The following DTX1 variants were observed in gnomAD, a reference collection of about 807,000 sequenced individuals.
DTX1 encodes the protein deltex E3 ubiquitin ligase 1.
A neutral mutation model predicts 57.8 loss-of-function variants in DTX1; 26 were observed. That is an observed-to-expected ratio of 0.45 (90% CI 0.33 to 0.62). The LOEUF (loss-of-function observed/expected upper bound fraction) is 0.62, where lower values mean the gene tolerates loss of function less well. DTX1 is among the 20% of genes least tolerant of loss of function. DTX1 has a pLI of 0.02. For synonymous variants in DTX1, 398 were observed against 394.1 expected, an observed-to-expected ratio of 1.01 and a Z score of -0.12; for missense variants, 704 against 895.3, an observed-to-expected ratio of 0.79 and a Z score of 2.73.
chr12:113,083,307 G>GT (rs1250039978), intron 3 of DTX1, among the ~76,000 whole-genome samples: 1 of 152,130 alleles, frequency 6.6e-6, no homozygotes, highest in African/African-American at 2.4e-5. Context: ...ATGTGTCTGT[G>GT]TGTCTCTCCT....
intron 6 of DTX1, 147 bp downstream of exon 6, chr12:113,094,246 C>T (rs1950269188): frequency 1.5e-6 from 1 of 677,358 alleles, no homozygotes; most frequent in East Asian, 2.9e-5. Context: ...AATAGAAATA[C>T]TTACGTTTAA....
At chr12:113,057,019 G>A (rs2044628683) in intron 1 of DTX1, 75 bp downstream of exon 1, 2 of 152,310 alleles carry the variant, frequency 1.3e-5, no homozygotes, top group African/African-American at 4.8e-5. Flanking sequence ...GGACGTCTGG[G>A]CTGGGGAAGC....
intron 3 of DTX1, among the ~76,000 whole-genome samples, chr12:113,083,984 A>C (rs952643936): frequency 2.6e-5 from 4 of 152,252 alleles, no homozygotes; most frequent in African/African-American, 9.6e-5. Context: ...CTTGCAAGGG[A>C]GGTGTGAACT....
intron 3 of DTX1, chr12:113,090,134 A>T (rs1368874154): frequency 6.6e-6 from 1 of 152,180 alleles, no homozygotes; most frequent in East Asian, 1.9e-4. Flanking sequence ...AGTCCTGGAG[A>T]AAAAAAGAGA....
rs199944169 is a variant in DTX1, at chr12:113,058,323, T to C, written c.131T>C (p.Val44Ala). 3.1e-6 allele frequency: 5 copies of C among 1,613,676 alleles called. No individual in the cohort carries two copies. In the East Asian group the frequency reaches 1.1e-4, roughly 36 times the overall value. The change falls in exon 2 of 10, where the codon GTG becomes GCG. Residue 44 changes from valine (V) to alanine (A), a missense_variant. Physicochemically the swap from Val to Ala is moderately conservative, Grantham distance 64. This residue lies in a region of DTX1 where 237 missense variants were observed against 328.6 expected (regional missense o/e 0.72). Coordinates refer to ENST00000548759, the MANE Select transcript of DTX1 (RefSeq NM_004416.3). ...CGCTGGCGGCCCTACACGGCCACCG[T>C]GTGCCACCACATTGAGAACGTGCTG... ...HSRWRPYTAT[V>A]CHHIENVLKE...
intron 2 of DTX1, among the ~76,000 whole-genome samples, chr12:113,062,066 C>T (rs2044668661): frequency 6.7e-6 from 1 of 150,168 alleles, no homozygotes; most frequent in Non-Finnish European, 1.5e-5. Context: ...CACACACACA[C>T]ACACTCCAAC....
At position 113,092,224 on chromosome 12, in the gene DTX1, G is replaced by C. The variant is rs576017993; in HGVS notation, c.942-938G>C. Among the ~76,000 whole-genome samples the C allele has an allele frequency of 9.9e-5, 15 of 152,136 alleles. No homozygotes were observed. In the South Asian group the frequency reaches 1.2e-3, roughly 13 times the overall value. ...ATTACTCGGCCAGGATTGCACAGCT[G>C]ACAGTGATGATACCGATGGCTGTGC... is the stretch of plus-strand genomic sequence containing the variant. On this transcript the variant is annotated intron_variant, in intron 3 of 9. Transcript: ENST00000548759.
At position 113,078,007 on chromosome 12, in the gene DTX1, C is replaced by A. The variant is rs984024007; in HGVS notation, c.843C>A (p.Gly281=). 3.3e-4 allele frequency: 377 copies of A among 1,130,406 alleles called. No individual in the cohort carries two copies. The highest frequency in any genetic ancestry group is 4.0e-4 in the Non-Finnish European group (365 of 923,590). 70.0% of individuals were successfully genotyped at this position (1,130,406 alleles called of 1,614,324 possible). The change falls in exon 3 of 10, where the codon GGC becomes GGA. Residue 281 remains glycine (G), a synonymous_variant. Transcript: ENST00000548759. ...PPPGAPPRSP[G]APGGARTPGQ... ...CCGGGGCGCCCCCACGGAGCCCGGG[C>A]GCCCCCGGCGGAGCGCGCACCCCGG...
At chr12:113,086,998 C>T (rs886734222) in intron 3 of DTX1, among the ~76,000 whole-genome samples, 6 of 151,686 alleles carry the variant, frequency 4.0e-5, no homozygotes, top group Middle Eastern at 3.4e-3. Flanking sequence ...CACGTGGCTG[C>T]CCCGGGCCGT....
Position 113,077,334 on chromosome 12 carries a change from C to G in DTX1, c.260-90C>G. 7.0e-7 allele frequency: 1 copy of G among 1,432,188 alleles called. No individual in the cohort carries two copies. Among genetic ancestry groups the G allele is most frequent in the Non-Finnish European group, 9.3e-7 (1 of 1,079,896 alleles). 88.7% of individuals were successfully genotyped at this position (1,432,188 alleles called of 1,614,324 possible). A position where few individuals can be genotyped will look rare whatever the true frequency, so the allele number is the denominator to read the frequency against. Reference sequence around the variant, plus strand: ...AGGCCTGTGCTGACCCCCCAACCTCCCGCCCACCCTTGCCTGGCTGTGGCC... The same window carrying G: ...AGGCCTGTGCTGACCCCCCAACCTCGCGCCCACCCTTGCCTGGCTGTGGCC... On this transcript the variant is annotated intron_variant, in intron 2 of 9. Transcript: ENST00000548759. The surrounding 1 kb of genome is among the most constrained non-coding windows in gnomAD (Gnocchi z 7.8).
chr12:113,092,108 C>T (rs1255049514), intron 3 of DTX1, among the ~76,000 whole-genome samples: 1 of 152,098 alleles, frequency 6.6e-6, no homozygotes, highest in African/African-American at 2.4e-5. Flanking sequence ...GTGACTTGTT[C>T]AAGGTTGTCA....
intron 2 of DTX1, among the ~76,000 whole-genome samples, chr12:113,068,305 C>T (rs1009323208): frequency 3.3e-5 from 5 of 152,170 alleles, no homozygotes; most frequent in East Asian, 1.9e-4. Context: ...CTGCCAGGCC[C>T]GAAGGAACAC....
chr12:113,094,108 G>T lies in DTX1; in HGVS notation c.1227+9G>T. 6.5e-7 allele frequency: 1 copy of T among 1,536,598 alleles called. No homozygotes were observed. ...AAAACCCACCTGATGAGGTGAGGAGGGGATGGGGGGGCTGGGGGAGGGCCC... is the reference window on the plus strand; with the variant it reads ...AAAACCCACCTGATGAGGTGAGGAGTGGATGGGGGGGCTGGGGGAGGGCCC... On this transcript the variant is annotated intron_variant, in intron 6 of 9. Transcript: ENST00000548759.
intron 3 of DTX1, among the ~76,000 whole-genome samples, chr12:113,085,064 T>G (rs991903763): frequency 2.6e-5 from 4 of 151,872 alleles, no homozygotes; most frequent in African/African-American, 9.7e-5. Context: ...TTTTTTTTTT[T>G]TTTTAGATGG....
intron 3 of DTX1, among the ~76,000 whole-genome samples, chr12:113,087,096 A>G (rs2044865506): frequency 6.6e-6 from 1 of 150,552 alleles, no homozygotes; most frequent in African/African-American, 2.5e-5. Flanking sequence ...CCCCGCAGAG[A>G]GCTGGGCAGG....
chr12:113,074,218 G>T (rs1489697832), intron 2 of DTX1, among the ~76,000 whole-genome samples: 1 of 152,170 alleles, frequency 6.6e-6, no homozygotes, highest in African/African-American at 2.4e-5. Context: ...GACAGAGAAA[G>T]ACTCTCTCTC....
rs757846818 is a variant in DTX1 at position 113,096,735 on chromosome 12, G to C, written c.1659G>C (p.Thr553=). 1.2e-6 allele frequency: 2 copies of C among 1,612,890 alleles called. No homozygotes were observed. Among genetic ancestry groups the C allele is most frequent in the Non-Finnish European group, 1.7e-6 (2 of 1,179,810 alleles). The change falls in exon 10 of 10, where the codon ACG becomes ACC. Residue 553 remains threonine (T), a synonymous_variant. Transcript: ENST00000548759. ...KGRKVLRLLI[T]AWERRLIFTI... ...CCCAGGTGCTGCGGCTGCTCATCAC[G>C]GCCTGGGAGAGAAGACTCATCTTCA...
rs897355587 is a variant in DTX1, at chr12:113,094,778, G to A, written c.1228-11G>A. 1.9e-6 allele frequency: 3 copies of A among 1,610,982 alleles called. No individual in the cohort carries two copies. The highest frequency in any genetic ancestry group is 2.5e-6 in the Non-Finnish European group (3 of 1,177,986). ...TCCCCAGTCCTCAGTCTCCCCTGCTGCCACCTGCAGGACTGCACCATCTGC... is the reference window on the plus strand; with the variant it reads ...TCCCCAGTCCTCAGTCTCCCCTGCTACCACCTGCAGGACTGCACCATCTGC... On this transcript the variant is annotated splice_polypyrimidine_tract_variant and intron_variant, in intron 6 of 9. Coordinates refer to ENST00000548759, the MANE Select transcript of DTX1 (RefSeq NM_004416.3).
At chr12:113,085,438 C>T (rs1245245851) in intron 3 of DTX1, among the ~76,000 whole-genome samples, 1 of 152,164 alleles carries the variant, frequency 6.6e-6, no homozygotes, top group Admixed American at 6.5e-5. Flanking sequence ...CCTAAAGAGA[C>T]GTCATTTAAG....
Sources: allele counts gnomAD v4.1 joint callset (sites outside exome capture counted in the v4.1 genomes callset), GRCh38; gene constraint gnomAD v4.1.1; regional missense constraint gnomAD v4.1.1; non-coding constraint Gnocchi (gnomAD v3.1); transcripts MANE v1.5; gene names NCBI Gene and HGNC (gene_info 2026-07-23, HGNC 2026-07-21).